METTL21C: variants seen among roughly 807,000 people sequenced by gnomAD.
The protein encoded by METTL21C is methyltransferase 21C, AARS1 lysine.
In METTL21C, 21 loss-of-function variants were observed where a neutral mutation model predicts 25.9. The observed-to-expected ratio is 0.81, with a 90% CI of 0.58 to 1.17. The LOEUF is 1.17. Ranked by LOEUF, METTL21C falls within the 50% of genes most tolerant of loss-of-function variation. METTL21C has a pLI of 0.00. For missense variants in METTL21C, 312 were observed against 315.1 expected, an observed-to-expected ratio of 0.99 and a Z score of 0.07; for synonymous variants, 125 against 124.7, an observed-to-expected ratio of 1.00 and a Z score of -0.01.
chr13:102,686,206 G>A lies in METTL21C; in HGVS notation c.620C>T (p.Thr207Ile). The change falls in exon 4 of 4, where the codon ACC becomes ATC. Residue 207 changes from threonine (T) to isoleucine (I), a missense_variant. Physicochemically the swap from Thr to Ile is moderately conservative, Grantham distance 89 (BLOSUM62 -1). Coordinates refer to ENST00000267273, the MANE Select transcript of METTL21C (RefSeq NM_001010977.3). ...YHHYFLDKLL[T>I]TMVYLSQPGT... ...TGGCTGGGAAAGGTACACCATGGTG[G>A]TGAGCAGCTTGTCCAGGAAGTAGTG... 6.2e-7 allele frequency: 1 copy of A among 1,614,232 alleles called. No homozygotes were observed. The highest frequency in any genetic ancestry group is 8.5e-7 in the Non-Finnish European group (1 of 1,180,046).
upstream of METTL21C, among the ~76,000 whole-genome samples, chr13:102,696,806 G>A (rs950892908): frequency 4.5e-4 from 68 of 152,288 alleles, no homozygotes; most frequent in Admixed American, 8.5e-4. Context: ...CTGACATATG[G>A]TAGCTCCTGG....
At chr13:102,689,308 G>A (rs1323975010) in intron 2 of METTL21C, among the ~76,000 whole-genome samples, 1 of 152,184 alleles carries the variant, frequency 6.6e-6, no homozygotes, top group African/African-American at 2.4e-5. Flanking sequence ...AGGAAGCTGT[G>A]AGTAGTTTGG....
At chr13:102,700,111 A>T in the METTL21C span, among the ~76,000 whole-genome samples, 4 of 152,364 alleles carry the variant, frequency 2.6e-5, no homozygotes, top group African/African-American at 7.2e-5. Context: ...CAACATTACC[A>T]GTGAAGAAGG....
At chr13:102,702,170 A>T in the METTL21C span, among the ~76,000 whole-genome samples, 1 of 151,366 alleles carries the variant, frequency 6.6e-6, no homozygotes, top group African/African-American at 2.5e-5. Flanking sequence ...CCTCAAAAAA[A>T]AAAAGTGTGT....
chr13:102,690,311 C>T (rs1352611900), intron 2 of METTL21C, among the ~76,000 whole-genome samples: 7 of 151,836 alleles, frequency 4.6e-5, no homozygotes, highest in Non-Finnish European at 1.0e-4. Flanking sequence ...GTCCCAGCTA[C>T]TCGGGAGGCT....
At chr13:102,703,831 T>G in the METTL21C span, among the ~76,000 whole-genome samples, 1 of 152,232 alleles carries the variant, frequency 6.6e-6, no homozygotes, top group South Asian at 2.1e-4. Context: ...TTTCTCTGAT[T>G]AGAGATTAAA....
At chr13:102,701,408 C>T in the METTL21C span, among the ~76,000 whole-genome samples, 17 of 152,182 alleles carry the variant, frequency 1.1e-4, no homozygotes, top group Admixed American at 1.0e-3. Flanking sequence ...TGCTTCTACC[C>T]CATTCTCTAG....
In METTL21C at chr13:102,686,322, T is replaced by C. The variant is rs199629766; in HGVS notation, c.504A>G (p.Lys168=). The part of the protein sequence containing the change: ...LQCTAHLPEV[K]ELVWGEDLDK... Reference sequence around the variant, plus strand: ...CCAGGTCTTCCCCCCATACCAGTTCTTTCACTTCAGGCAGATGTGCTGTAC... The same window carrying C: ...CCAGGTCTTCCCCCCATACCAGTTCCTTCACTTCAGGCAGATGTGCTGTAC... The change falls in exon 4 of 4, where the codon AAA becomes AAG. Residue 168 remains lysine (K), a synonymous_variant. Coordinates refer to ENST00000267273, the MANE Select transcript of METTL21C (RefSeq NM_001010977.3). 1.2e-6 allele frequency: 2 copies of C among 1,614,254 alleles called. No homozygotes were observed. Among genetic ancestry groups the C allele is most frequent in the Non-Finnish European group, 1.7e-6 (2 of 1,180,040 alleles).
Position 102,687,808 on chromosome 13 carries a change from T to C in METTL21C, c.283-751A>G, listed in dbSNP as rs147898732. Among the ~76,000 whole-genome samples the C allele has an allele frequency of 5.3e-5, 8 of 152,334 alleles. No individual in the cohort carries two copies. The East Asian group carries it at 1.5e-3, about 29-fold the overall frequency. ...CAGATTTTTTTAAATGTTTTATATA[T>C]CAACAAATATTGTTAGTTTTTTATA... On this transcript the variant is annotated intron_variant, in intron 2 of 3. Transcript: ENST00000267273.
the METTL21C span, among the ~76,000 whole-genome samples, chr13:102,704,125 C>T: frequency 1.3e-5 from 2 of 152,218 alleles, no homozygotes; most frequent in Admixed American, 1.3e-4. Context: ...AACTAAACTT[C>T]TCTGTTTTCT....
the METTL21C span, among the ~76,000 whole-genome samples, chr13:102,702,232 A>C: frequency 1.0e-4 from 15 of 149,342 alleles, no homozygotes; most frequent in African/African-American, 3.8e-4. Context: ...GAGAGACAGA[A>C]AGAGAGAGAG....
chr13:102,689,929 A>G (rs942582204), intron 2 of METTL21C, among the ~76,000 whole-genome samples: 95 of 152,234 alleles, frequency 6.2e-4, no homozygotes, highest in African/African-American at 2.2e-3. Flanking sequence ...CTAGGTTTTA[A>G]ATATGGAAAT....
chr13:102,690,755 A>C lies in METTL21C; in HGVS notation c.282+58T>G, dbSNP rs1446898297. 5 of 1,580,898 alleles carry C rather than the reference A, an allele frequency of 3.2e-6. No homozygotes were observed. The Admixed American group carries it at 9.0e-5, about 28-fold the overall frequency. On this transcript the variant is annotated intron_variant, in intron 2 of 3. Transcript: ENST00000267273. ...TGACAAATTGTCCAAGGCAACTCTGAAGTACGGAATTGTTATCTCCAGAAA... is the reference window on the plus strand; with the variant it reads ...TGACAAATTGTCCAAGGCAACTCTGCAGTACGGAATTGTTATCTCCAGAAA...
At chr13:102,701,178 G>A in the METTL21C span, among the ~76,000 whole-genome samples, 12 of 152,000 alleles carry the variant, frequency 7.9e-5, no homozygotes, top group African/African-American at 2.9e-4. Flanking sequence ...GTCAAGGTTT[G>A]GGGGGAAATA....
chr13:102,696,993 G>A (rs1026407194), upstream of METTL21C, among the ~76,000 whole-genome samples: 3 of 152,164 alleles, frequency 2.0e-5, no homozygotes, highest in Admixed American at 2.0e-4. Context: ...CGGTGAAAAG[G>A]ATTAGTCCTC....
At chr13:102,701,525 A>T in the METTL21C span, among the ~76,000 whole-genome samples, 1 of 152,192 alleles carries the variant, frequency 6.6e-6, no homozygotes, top group Non-Finnish European at 1.5e-5. Flanking sequence ...TGCAAATCTT[A>T]TATGACCAAG....
At chr13:102,700,947 G>A in the METTL21C span, among the ~76,000 whole-genome samples, 15 of 151,614 alleles carry the variant, frequency 9.9e-5, no homozygotes, top group African/African-American at 3.6e-4. Flanking sequence ...TTTTGAGAGG[G>A]GACTTAGTTG....
At chr13:102,702,423 A>C in the METTL21C span, among the ~76,000 whole-genome samples, 1 of 152,204 alleles carries the variant, frequency 6.6e-6, no homozygotes, top group Non-Finnish European at 1.5e-5. Context: ...GATAAAAGCA[A>C]GGAAATGAAA....
At chr13:102,686,495 A>T in intron 3 of METTL21C, 70 bp from the exon 4 acceptor site, 1 of 1,496,558 alleles carries the variant, frequency 6.7e-7, no homozygotes, top group South Asian at 1.4e-5. Flanking sequence ...CCAGGGAGAA[A>T]CACAAGAAAC....
Sources: gnomAD v4.1 joint callset for allele counts (sites outside exome capture counted in the v4.1 genomes callset) on GRCh38, gnomAD v4.1.1 for gene constraint, MANE v1.5 for transcripts, NCBI Gene and HGNC (gene_info 2026-07-23, HGNC 2026-07-21) for gene names.